DIS3: variants seen among roughly 807,000 people sequenced by gnomAD.
The protein encoded by DIS3 is DIS3 exosome endoribonuclease and 3'-5' exoribonuclease, also known as exosome complex exonuclease RRP44.
DIS3 carries 103 observed loss-of-function variants against 113.0 expected under a neutral mutation model. That is an observed-to-expected ratio of 0.91 (90% CI 0.78 to 1.07). DIS3 has a LOEUF of 1.07. Ranked by LOEUF, DIS3 falls within the 50% of genes least tolerant of loss-of-function variation. DIS3 has a pLI of 0.00. For missense variants in DIS3, 1,121 were observed against 1,167.1 expected (o/e 0.96, Z 0.58); for synonymous variants, 402 against 394.3 (o/e 1.02, Z -0.23).
intron 13 of DIS3, among the ~76,000 whole-genome samples, chr13:72,770,434 A>G (rs2033858146): frequency 6.6e-6 from 1 of 152,194 alleles, no homozygotes; most frequent in Non-Finnish European, 1.5e-5. Context: ...TGTTCAAAAG[A>G]GCATCTAGCT....
At chr13:72,768,623 GAC>G (rs111674563) in intron 14 of DIS3, among the ~76,000 whole-genome samples, 160 bp downstream of exon 14, 2 of 152,286 alleles carry the variant, frequency 1.3e-5, no homozygotes, top group African/African-American at 4.8e-5. Context: ...CAGCGTGGGT[GAC>G]AGAGTAAAAC....
intron 14 of DIS3, among the ~76,000 whole-genome samples, chr13:72,767,863 A>G (rs1481310966): frequency 1.3e-5 from 2 of 152,224 alleles, no homozygotes; most frequent in Non-Finnish European, 2.9e-5. Context: ...TCTGAGACCA[A>G]CATCTGGAAG....
At position 72,752,918 on chromosome 13, in the gene DIS3, T is replaced by G. The variant is rs1446139657; in HGVS notation, c.*6877A>C. The G allele has an allele frequency of 6.6e-6, 1 of 152,226 alleles. No individual in the cohort carries two copies. The highest frequency in any genetic ancestry group is 2.4e-5 in the African/African-American group (1 of 41,458). 9.4% of individuals were successfully genotyped at this position (152,226 alleles called of 1,614,324 possible). A position where few individuals can be genotyped will look rare whatever the true frequency, so the allele number is the denominator to read the frequency against. On this transcript the variant is annotated 3_prime_UTR_variant, in exon 21 of 21. Transcript: ENST00000377767. ...CCTTGTGGATTGCTTTCTTTGGTGC[T>G]CAGCATTATACAGGTAAATGGAGCG...
intron 16 of DIS3, 92 bp from the exon 17 acceptor site, chr13:72,762,229 A>C: frequency 1.8e-6 from 2 of 1,138,686 alleles, no homozygotes; most frequent in Non-Finnish European, 2.5e-6. Context: ...GACTGAACAA[A>C]CATCATGTTT....
intron 10 of DIS3, 32 bp downstream of exon 10, chr13:72,772,127 A>G: frequency 2.0e-6 from 3 of 1,537,098 alleles, no homozygotes; most frequent in Non-Finnish European, 2.7e-6. Flanking sequence ...ACAGAACTAT[A>G]TTTAGGTAAG....
At chr13:72,763,986 C>T (rs2033690609) in intron 15 of DIS3, among the ~76,000 whole-genome samples, 1 of 151,892 alleles carries the variant, frequency 6.6e-6, no homozygotes, top group Admixed American at 6.6e-5. Flanking sequence ...CCTGACTCTA[C>T]TAAAAATATA....
chr13:72,761,608 C>T, intron 18 of DIS3, 38 bp downstream of exon 18: 1 of 1,541,764 alleles, frequency 6.5e-7, no homozygotes, highest in Non-Finnish European at 8.7e-7. Context: ...ATGAACAAAA[C>T]TTCATTTTTT....
In DIS3 at chr13:72,752,470, T is replaced by C. The variant is rs2033302984; in HGVS notation, c.*7325A>G. On this transcript the variant is annotated 3_prime_UTR_variant, in exon 21 of 21. Transcript: ENST00000377767. ...GGGACAAACTCCCCGCATGCCTTAC[T>C]TCCTGCTGTACTAATGAGTAACTCT... 1 of 152,222 alleles carries C rather than the reference T, an allele frequency of 6.6e-6. No homozygotes were observed. The highest frequency in any genetic ancestry group is 1.5e-5 in the Non-Finnish European group (1 of 68,034). 9.4% of individuals were successfully genotyped at this position (152,222 alleles called of 1,614,324 possible). A position where few individuals can be genotyped will look rare whatever the true frequency, so the allele number is the denominator to read the frequency against.
chr13:72,768,617 G>A (rs1024513376), intron 14 of DIS3, among the ~76,000 whole-genome samples, 168 bp downstream of exon 14: 4 of 152,118 alleles, frequency 2.6e-5, no homozygotes, highest in Admixed American at 6.6e-5. Flanking sequence ...GCACTCCAGC[G>A]TGGGTGACAG....
At chr13:72,763,745 A>T in intron 15 of DIS3, 138 bp from the exon 16 acceptor site, 1 of 821,862 alleles carries the variant, frequency 1.2e-6, no homozygotes, top group Non-Finnish European at 1.8e-6. Context: ...GTGTGTGTAC[A>T]TTTGTATTTT....
chr13:72,772,079 G>C (rs2033898938), intron 10 of DIS3, 80 bp downstream of exon 10: 2 of 1,334,004 alleles, frequency 1.5e-6, no homozygotes, highest in African/African-American at 2.9e-5. Context: ...TAATTAACAA[G>C]CAAATTCTAT....
chr13:72,773,489 C>T (rs905773078), intron 8 of DIS3, among the ~76,000 whole-genome samples, 195 bp downstream of exon 8: 3 of 152,042 alleles, frequency 2.0e-5, no homozygotes, highest in Non-Finnish European at 4.4e-5. Context: ...ATAAAAGTAA[C>T]CAAATGATTT....
At chr13:72,774,780 G>A (rs187375073) in intron 6 of DIS3, among the ~76,000 whole-genome samples, 57 of 152,146 alleles carry the variant, frequency 3.7e-4, no homozygotes, top group Admixed American at 3.0e-3. Context: ...TAATAAATAT[G>A]GTATCAGATA....
intron 13 of DIS3, 91 bp downstream of exon 13, chr13:72,770,813 G>A (rs899458224): frequency 3.8e-5 from 28 of 741,136 alleles, no homozygotes; most frequent in African/African-American, 2.7e-4. Context: ...GTATATATAC[G>A]TACATGTGAA....
intron 2 of DIS3, among the ~76,000 whole-genome samples, chr13:72,779,243 G>A (rs531948264): frequency 1.2e-3 from 186 of 151,214 alleles, no homozygotes; most frequent in African/African-American, 4.2e-3. Context: ...ACTCAGCCTC[G>A]CAAGTAGCTG....
rs1402605051 is a variant in DIS3 at position 72,761,955 on chromosome 13, T to C, written c.2310A>G (p.Pro770=). The change falls in exon 17 of 21, where the codon CCA becomes CCG. Residue 770 remains proline (P), a synonymous_variant. Coordinates refer to ENST00000377767, the MANE Select transcript of DIS3 (RefSeq NM_014953.5). The part of the protein sequence containing the change: ...NDFHHYGLAS[P]IYTHFTSPIR... ...TGGGTGAAGTAAAATGTGTGTATAT[T>C]GGAGACGCTAAGCCATAGTGATGAA... 3.7e-6 allele frequency: 6 copies of C among 1,614,180 alleles called. No individual in the cohort carries two copies. The highest frequency in any genetic ancestry group is 5.1e-6 in the Non-Finnish European group (6 of 1,180,036).
intron 15 of DIS3, 120 bp from the exon 16 acceptor site, chr13:72,763,727 A>C: frequency 4.2e-6 from 4 of 947,040 alleles, no homozygotes; most frequent in Non-Finnish European, 6.1e-6. Context: ...CTATGTAAAC[A>C]TTCATATGTG....
At chr13:72,779,048 T>A (rs1209151531) in intron 2 of DIS3, among the ~76,000 whole-genome samples, 4 of 152,158 alleles carry the variant, frequency 2.6e-5, no homozygotes, top group African/African-American at 4.8e-5. Context: ...GGTAATAGAT[T>A]CAATTTAATA....
rs1268737438 is a variant in DIS3 at position 72,762,054 on chromosome 13, G to A, written c.2211C>T (p.Asn737=). Residue 737 remains asparagine (N), a synonymous_variant, in exon 17 of 21, where the codon AAC becomes AAT. Transcript: ENST00000377767. ...QAESPTFPYL[N]TLLRILATRC... Reference sequence around the variant, plus strand: ...GAGTGGCTAATATTCTCAACAGAGTGTTTAGATATGGAAAAGTAGGAGATT... The same window carrying A: ...GAGTGGCTAATATTCTCAACAGAGTATTTAGATATGGAAAAGTAGGAGATT... The A allele has an allele frequency of 6.2e-7, 1 of 1,614,098 alleles. No individual in the cohort carries two copies. The highest frequency in any genetic ancestry group is 2.2e-5 in the East Asian group (1 of 44,858).
Sources: allele counts gnomAD v4.1 joint callset (sites outside exome capture counted in the v4.1 genomes callset), GRCh38; gene constraint gnomAD v4.1.1; transcripts MANE v1.5; gene names NCBI Gene and HGNC (gene_info 2026-07-23, HGNC 2026-07-21).